The following PKD1 variants were observed in gnomAD, a reference collection of about 807,000 sequenced individuals.
The protein encoded by PKD1 is polycystin 1, transient receptor potential channel interacting, also known as polycystin-1.
A neutral mutation model predicts 361.7 loss-of-function variants in PKD1; 81 were observed. That is an observed-to-expected ratio of 0.22 (90% CI 0.19 to 0.27). The LOEUF is 0.27. PKD1 is among the 10% of genes least tolerant of loss of function. PKD1 has a pLI of 1.00. For synonymous variants in PKD1, 3,615 were observed against 2,818.3 expected (o/e 1.28, Z -8.95); for missense variants, 6,399 against 6,118.3 (o/e 1.05, Z -1.53).
chr16:2,100,387 C>A lies in PKD1; in HGVS notation c.9568+9G>T. 1 of 1,611,224 alleles carries A rather than the reference C, an allele frequency of 6.2e-7. No homozygotes were observed. On this transcript the variant is annotated intron_variant, in intron 27 of 45. Coordinates refer to ENST00000262304, the MANE Select transcript of PKD1 (RefSeq NM_001009944.3). This position sits in a 1 kb window ranked among gnomAD's most constrained non-coding sequence, Gnocchi z 4.4. ...CAGAGGGGCAGAGCTTGGCAGGGTCCGCACAAACCTTTGTTGTCGTGCCAC... is the reference window on the plus strand; with the variant it reads ...CAGAGGGGCAGAGCTTGGCAGGGTCAGCACAAACCTTTGTTGTCGTGCCAC...
chr16:2,127,678 G>A (rs2092816429), intron 1 of PKD1, among the ~76,000 whole-genome samples: 1 of 151,520 alleles, frequency 6.6e-6, no homozygotes, highest in Non-Finnish European at 1.5e-5. Flanking sequence ...GGCTGAGCCA[G>A]GTCACTGCTA....
rs2091252830 is a variant in PKD1 at position 2,088,776 on chromosome 16, T to C, written c.*951A>G. On this transcript the variant is annotated 3_prime_UTR_variant, in exon 46 of 46. Coordinates refer to ENST00000262304, the MANE Select transcript of PKD1 (RefSeq NM_001009944.3). The stretch of plus-strand genomic sequence containing the variant: ...GGGGGTTGGGGGGGTGTCGAGGCTC[T>C]AGAAGCGGCCATGCCCACAGAAGTG... The C allele has an allele frequency of 3.1e-6, 3 of 960,438 alleles. No homozygotes were observed. Among genetic ancestry groups the C allele is most frequent in the Non-Finnish European group, 3.0e-6 (2 of 660,482 alleles). 59.5% of individuals were successfully genotyped at this position (960,438 alleles called of 1,614,324 possible). A position where few individuals can be genotyped will look rare whatever the true frequency, so the allele number is the denominator to read the frequency against.
Position 2,091,440 on chromosome 16 carries a change from G to C in PKD1, c.11695C>G (p.Leu3899Val), listed in dbSNP as rs1483256225. ...ALRRLSAGLSLPLLTSVCLLL... is the reference protein window; with the variant it reads ...ALRRLSAGLSVPLLTSVCLLL... Reference sequence around the variant, plus strand: ...GGGCGTACCGAGGTGAGCAGAGGCAGCGAGAGGCCCGCGCTGAGGCGGCGC... The same window carrying C: ...GGGCGTACCGAGGTGAGCAGAGGCACCGAGAGGCCCGCGCTGAGGCGGCGC... The change falls in exon 42 of 46, where the codon CTG (leucine) becomes GTG (valine). Residue 3899 changes from leucine to valine, a missense_variant. Coordinates refer to ENST00000262304, the MANE Select transcript of PKD1 (RefSeq NM_001009944.3). 1 of 1,194,978 alleles carries C rather than the reference G, an allele frequency of 8.4e-7. No individual in the cohort carries two copies. Among genetic ancestry groups the C allele is most frequent in the African/African-American group, 1.7e-5 (1 of 60,304 alleles). The allele number at this position is 1,194,978 out of a possible 1,614,324, so 74.0% of individuals were successfully genotyped here.
rs1175160355 is a variant in PKD1, at chr16:2,093,097, G to C, written c.11017-4C>G. 1 of 1,612,350 alleles carries C rather than the reference G, an allele frequency of 6.2e-7. No individual in the cohort carries two copies. The highest frequency in any genetic ancestry group is 2.2e-5 in the East Asian group (1 of 44,878). ...AAAGCATGTACACCAGGAGGCTCTG[G>C]TGGACGGGGGGGCCCTGTGGTCAGC... On this transcript the variant is annotated splice_region_variant and splice_polypyrimidine_tract_variant and intron_variant, in intron 37 of 45. Transcript: ENST00000262304.
Position 2,118,103 on chromosome 16 carries a change from G to C in PKD1, c.889C>G (p.Pro297Ala), listed in dbSNP as rs2092669408. The change falls in exon 5 of 46, where the codon CCG becomes GCG. Residue 297 changes from proline to alanine, a missense_variant. Transcript: ENST00000262304. The surrounding 1 kb of genome is among the most constrained non-coding windows in gnomAD (Gnocchi z 6.0). ...GQLAAFHIAA[P>A]LPVTATRWDF... ...CAGCGTGTGGCAGTGACAGGGAGCGGGGCAGCGATGTGGAAGGCTGCTAGC... is the reference window on the plus strand; with the variant it reads ...CAGCGTGTGGCAGTGACAGGGAGCGCGGCAGCGATGTGGAAGGCTGCTAGC... 6.2e-7 allele frequency: 1 copy of C among 1,606,032 alleles called. No homozygotes were observed. Among genetic ancestry groups the C allele is most frequent in the Admixed American group, 1.7e-5 (1 of 59,760 alleles).
chr16:2,090,250 G>A (rs769648422), intron 45 of PKD1, 35 bp downstream of exon 45: 4 of 1,609,244 alleles, frequency 2.5e-6, no homozygotes, highest in Non-Finnish European at 3.4e-6. Context: ...AGAGCCCAGG[G>A]CGTGTCCCTC....
Position 2,106,299 on chromosome 16 carries a change from G to A in PKD1, c.7495C>T (p.His2499Tyr), listed in dbSNP as rs1439713011. The change falls in exon 19 of 46, where the codon CAT (histidine) becomes TAT (tyrosine). Residue 2499 changes from histidine to tyrosine, a missense_variant. Physicochemically the swap from His to Tyr is moderately conservative, Grantham distance 83 (BLOSUM62 2). Transcript: ENST00000262304. The surrounding 1 kb of genome is among the most constrained non-coding windows in gnomAD (Gnocchi z 6.5). ...TKVHFECTGW[H>Y]DAEDAGAPLV... ...GGGGCGCCAGCATCCTCCGCGTCAT[G>A]CCAGCCTGAGGGACGGTCCCCACGG... 2 of 1,609,486 alleles carry A rather than the reference G, an allele frequency of 1.2e-6. No individual in the cohort carries two copies. Among genetic ancestry groups the A allele is most frequent in the East Asian group, 2.2e-5 (1 of 44,862 alleles).
At position 2,088,853 on chromosome 16, in the gene PKD1, C is replaced by T. The variant is rs1056551211; in HGVS notation, c.*874G>A. On this transcript the variant is annotated 3_prime_UTR_variant, in exon 46 of 46. Transcript: ENST00000262304. ...CCGAGGGCCTTGAGGCTGCCTGGGCCATACAGCACACTCGCGCGTGCGCGC... is the reference window on the plus strand; with the variant it reads ...CCGAGGGCCTTGAGGCTGCCTGGGCTATACAGCACACTCGCGCGTGCGCGC... The T allele has an allele frequency of 3.5e-6, 2 of 575,248 alleles. No homozygotes were observed. The highest frequency in any genetic ancestry group is 6.2e-6 in the Non-Finnish European group (2 of 323,924). 35.6% of individuals were successfully genotyped at this position (575,248 alleles called of 1,614,324 possible).
Position 2,117,951 on chromosome 16 carries a change from C to T in PKD1, c.1041G>A (p.Gly347=). ...LALGAGSALL[G]TDVQVEAAPA... ...GTGCCGCTTCCACCTGCACGTCTGT[C>T]CCCAGCAGGGCTGAGCCGGCCCCCA... Residue 347 remains glycine, a synonymous_variant, in exon 5 of 46, where the codon GGG becomes GGA. Transcript: ENST00000262304. 3 of 1,501,114 alleles carry T rather than the reference C, an allele frequency of 2.0e-6. No individual in the cohort carries two copies. Among genetic ancestry groups the T allele is most frequent in the Non-Finnish European group, 2.7e-6 (3 of 1,106,864 alleles). The allele number at this position is 1,501,114 out of a possible 1,614,324, so 93.0% of individuals were successfully genotyped here.
chr16:2,089,889 C>T lies in PKD1; in HGVS notation c.12750G>A (p.Arg4250=). 6.2e-7 allele frequency: 1 copy of T among 1,611,068 alleles called. No homozygotes were observed. The highest frequency in any genetic ancestry group is 8.5e-7 in the Non-Finnish European group (1 of 1,179,430). Residue 4250 remains arginine (R), a synonymous_variant, in exon 46 of 46, where the codon AGG becomes AGA. Transcript: ENST00000262304. Reference sequence around the variant, plus strand: ...AAGATCCGGCGGGCGCCCGGCTGCTCCTGCGGCCTTGCAGGCTGTGCAGCT... The same window carrying T: ...AAGATCCGGCGGGCGCCCGGCTGCTTCTGCGGCCTTGCAGGCTGTGCAGCT... The part of the protein sequence containing the change: ...EQQLHSLQGR[R]SSRAPAGSSR...
In PKD1 at chr16:2,117,648, T is replaced by C. The variant is rs1192097075; in HGVS notation, c.1226A>G (p.Asp409Gly). 6.2e-7 allele frequency: 1 copy of C among 1,610,490 alleles called. No homozygotes were observed. The highest frequency in any genetic ancestry group is 1.1e-5 in the South Asian group (1 of 90,956). The change falls in exon 6 of 46, where the codon GAC becomes GGC. Residue 409 changes from aspartate (D) to glycine (G), a missense_variant. By Grantham distance (94) the Asp-to-Gly change is moderately conservative. Coordinates refer to ENST00000262304, the MANE Select transcript of PKD1 (RefSeq NM_001009944.3). ...CCCGTTGCCAGGGAAGATCTCCGTG[T>C]CCGAGGGGCAGAGCGGGTGCACCGC... Reference protein sequence around the residue: ...ARAVHPLCPSDTEIFPGNGHC... With the variant: ...ARAVHPLCPSGTEIFPGNGHC...
chr16:2,110,793 G>A lies in PKD1; in HGVS notation c.4374C>T (p.Ala1458=), dbSNP rs146001729. 2.1e-4 allele frequency: 342 copies of A among 1,611,102 alleles called. No individual in the cohort carries two copies. Among genetic ancestry groups the A allele is most frequent in the Non-Finnish European group, 2.6e-4 (311 of 1,179,836 alleles). ...GCACGGGCTCCTGCACCTCCACCAG[G>A]GCTGAGTCATTGGCAGCAGAGATGT... The part of the protein sequence containing the change: ...SNNISAANDS[A]LVEVQEPVLV... The change falls in exon 15 of 46, where the codon GCC becomes GCT. Residue 1458 remains alanine, a synonymous_variant. Coordinates refer to ENST00000262304, the MANE Select transcript of PKD1 (RefSeq NM_001009944.3).
Position 2,090,388 on chromosome 16 carries a change from C to A in PKD1, c.12341G>T (p.Arg4114Leu), listed in dbSNP as rs776140570. The A allele has an allele frequency of 1.2e-6, 2 of 1,612,684 alleles. No individual in the cohort carries two copies. Among genetic ancestry groups the A allele is most frequent in the Non-Finnish European group, 1.7e-6 (2 of 1,179,918 alleles). Residue 4114 changes from arginine (R) to leucine (L), a missense_variant, in exon 45 of 46, where the codon CGT becomes CTT. Physicochemically the swap from Arg to Leu is moderately radical, Grantham distance 102. Coordinates refer to ENST00000262304, the MANE Select transcript of PKD1 (RefSeq NM_001009944.3). ...CCAGGCCGGCCGGTACAGCTCTCCA[C>A]GCAAGGCGTGGTAGCGCCAGCGGAG... ...VILRWRYHAL[R>L]GELYRPAWEP...
rs2092155865 is a variant in PKD1 at position 2,102,899 on chromosome 16, G to A, written c.8863C>T (p.His2955Tyr). 1 of 1,609,962 alleles carries A rather than the reference G, an allele frequency of 6.2e-7. No individual in the cohort carries two copies. The highest frequency in any genetic ancestry group is 8.5e-7 in the Non-Finnish European group (1 of 1,179,728). Residue 2955 changes from histidine (H) to tyrosine (Y), a missense_variant, in exon 24 of 46, where the codon CAC (histidine) becomes TAC (tyrosine). His to Tyr is a moderately conservative substitution (Grantham distance 83). Transcript: ENST00000262304. ...YLHSEPRPNE[H>Y]NCSASRRIRP... ...ATCCTCCTGCTAGCCGAGCAGTTGT[G>A]CTCATTGGGCCGGGGCTCCGAGTGT...
chr16:2,132,784 T>G (rs1201227300), intron 1 of PKD1, among the ~76,000 whole-genome samples: 2 of 149,950 alleles, frequency 1.3e-5, no homozygotes, highest in African/African-American at 4.9e-5. Context: ...GGAATTTGGT[T>G]CAAAACATGG....
Position 2,109,822 on chromosome 16 carries a change from G to A in PKD1, c.5345C>T (p.Thr1782Met), listed in dbSNP as rs558269342. 330 of 1,610,640 alleles carry A rather than the reference G, an allele frequency of 2.0e-4. No homozygotes were observed. Among genetic ancestry groups the A allele is most frequent in the South Asian group, 4.2e-4 (38 of 90,996 alleles). Reference sequence around the variant, plus strand: ...GGCTGAGCCCAGCGGGTTCCCTGCCGTCATGGTGACCAAGTGCAGGCCGGG... The same window carrying A: ...GGCTGAGCCCAGCGGGTTCCCTGCCATCATGGTGACCAAGTGCAGGCCGGG... ...PTPGLHLVTM[T>M]AGNPLGSANA... is the part of the protein sequence containing the mutation. Residue 1782 changes from threonine to methionine, a missense_variant, in exon 15 of 46, where the codon ACG (threonine) becomes ATG (methionine). Transcript: ENST00000262304.
intron 1 of PKD1, among the ~76,000 whole-genome samples, chr16:2,130,501 G>C (rs1183249851): frequency 1.3e-5 from 2 of 152,254 alleles, no homozygotes; most frequent in Non-Finnish European, 2.9e-5. Flanking sequence ...GCGGGCTCCA[G>C]TGATAACGGA....
Position 2,109,017 on chromosome 16 carries a change from G to C in PKD1, c.6150C>G (p.Asn2050Lys). 1.2e-6 allele frequency: 2 copies of C among 1,610,406 alleles called. No individual in the cohort carries two copies. Among genetic ancestry groups the C allele is most frequent in the Non-Finnish European group, 1.7e-6 (2 of 1,179,008 alleles). Reference protein sequence around the residue: ...VRAFNALGSENRTLVLEVQDA... With the variant: ...VRAFNALGSEKRTLVLEVQDA... ...CCTGAACCTCCAGCACCAGCGTGCG[G>C]TTCTCACTGCCCAGGGCGTTGAAGG... The change falls in exon 15 of 46, where the codon AAC becomes AAG. Residue 2050 changes from asparagine (N) to lysine (K), a missense_variant. Asn to Lys is a moderately conservative substitution (Grantham distance 94, BLOSUM62 0). Coordinates refer to ENST00000262304, the MANE Select transcript of PKD1 (RefSeq NM_001009944.3).
Position 2,090,737 on chromosome 16 carries a change from C to T in PKD1, c.12075G>A (p.Glu4025=), listed in dbSNP as rs754786423. ...FGKTLCRALP[E]LLGVTLGLVV... is the part of the protein sequence containing the mutation. ...CCAGGCCCAAGGTGACCCCCAGGAG[C>T]TCTGGCAGAGCTCGGCATAATGTCT... is the stretch of plus-strand genomic sequence containing the variant. Residue 4025 remains glutamate, a synonymous_variant, in exon 44 of 46, where the codon GAG becomes GAA. Coordinates refer to ENST00000262304, the MANE Select transcript of PKD1 (RefSeq NM_001009944.3). 2.3e-4 allele frequency: 372 copies of T among 1,612,562 alleles called. 4 individuals are homozygous for T. The Admixed American group carries it at 5.9e-3, about 26-fold the overall frequency.
Sources: gnomAD v4.1 joint callset for allele counts (sites outside exome capture counted in the v4.1 genomes callset) on GRCh38, gnomAD v4.1.1 for gene constraint, Gnocchi (gnomAD v3.1) non-coding constraint, MANE v1.5 for transcripts, NCBI Gene and HGNC (gene_info 2026-07-23, HGNC 2026-07-21) for gene names.